Variants in RERE observed in about 807,000 individuals in gnomAD.
RERE encodes arginine-glutamic acid dipeptide repeats.
RERE carries 40 observed loss-of-function variants against 146.1 expected under a neutral mutation model. That is an observed-to-expected ratio of 0.27 (90% CI 0.21 to 0.36). RERE has a LOEUF of 0.36. Ranked by LOEUF, RERE falls within the 10% of genes least tolerant of loss-of-function variation. The pLI, the probability that RERE is intolerant of heterozygous loss-of-function variation, is 1.00. For synonymous variants in RERE, 1,003 were observed against 866.0 expected, an observed-to-expected ratio of 1.16 and a Z score of -2.78; for missense variants, 1,933 against 2,138.7, an observed-to-expected ratio of 0.90 and a Z score of 1.90.
At chr1:8,434,947 CG>C (rs1417002281) in intron 11 of RERE, 3 of 152,178 alleles carry the variant, frequency 2.0e-5, no homozygotes, top group Non-Finnish European at 4.4e-5. Context: ...CAGACCTGCA[CG>C]GTGGAGCCAT....
At position 8,360,312 on chromosome 1, in the gene RERE, C is replaced by G; in HGVS notation, c.3195G>C (p.Ser1065=). 3 of 1,537,056 alleles carry G rather than the reference C, an allele frequency of 2.0e-6. No homozygotes were observed. Among genetic ancestry groups the G allele is most frequent in the Non-Finnish European group, 2.6e-6 (3 of 1,140,652 alleles). Residue 1065 remains serine, a synonymous_variant, in exon 18 of 23, where the codon TCG becomes TCC. Coordinates refer to ENST00000400908, the MANE Select transcript of RERE (RefSeq NM_001042681.2). ...TSTPPAGPGT[S]AQPPCSGAAA... ...CCGCACCAGAGCAGGGTGGCTGGGCCGAGGTGCCAGGTCCCGCCGGTGGGG... is the reference window on the plus strand; with the variant it reads ...CCGCACCAGAGCAGGGTGGCTGGGCGGAGGTGCCAGGTCCCGCCGGTGGGG...
chr1:8,469,310 A>T (rs1030050420), intron 10 of RERE, among the ~76,000 whole-genome samples: 1 of 152,200 alleles, frequency 6.6e-6, no homozygotes, highest in Non-Finnish European at 1.5e-5. Context: ...TCTCACATAC[A>T]GGAAAAAATT....
At chr1:8,398,848 A>G (rs1483831790) in intron 12 of RERE, among the ~76,000 whole-genome samples, 1 of 152,178 alleles carries the variant, frequency 6.6e-6, no homozygotes, top group Non-Finnish European at 1.5e-5. Context: ...TCTCAACAAC[A>G]AACAGGTGCA....
chr1:8,733,175 A>G (rs1020483634), intron 1 of RERE, among the ~76,000 whole-genome samples: 12 of 151,580 alleles, frequency 7.9e-5, no homozygotes, highest in South Asian at 4.2e-4. Context: ...TTTAAAAAAA[A>G]AGAGAGAGAG....
intron 1 of RERE, among the ~76,000 whole-genome samples, chr1:8,706,141 A>G (rs1358321589): frequency 2.8e-5 from 4 of 145,162 alleles, no homozygotes; most frequent in African/African-American, 7.6e-5. Flanking sequence ...AAAAAAAAGA[A>G]TGTCTTCTAT....
chr1:8,519,258 C>T (rs750357133), intron 7 of RERE, among the ~76,000 whole-genome samples: 2 of 151,994 alleles, frequency 1.3e-5, no homozygotes, highest in African/African-American at 2.4e-5. Context: ...ACCAACCAAA[C>T]AACAAAAACA....
intron 4 of RERE, among the ~76,000 whole-genome samples, chr1:8,599,187 T>C (rs780045601): frequency 3.9e-5 from 6 of 152,206 alleles, no homozygotes; most frequent in Non-Finnish European, 7.3e-5. Flanking sequence ...ACCATTTCTT[T>C]TGGTCACTGA....
intron 6 of RERE, among the ~76,000 whole-genome samples, chr1:8,554,345 A>T (rs1004552930): frequency 6.6e-6 from 1 of 152,184 alleles, no homozygotes; most frequent in African/African-American, 2.4e-5. Flanking sequence ...AACCCGTGAG[A>T]CAAGACGGAA....
At position 8,364,329 on chromosome 1, in the gene RERE, C is replaced by T; in HGVS notation, c.1541-74G>A. On this transcript the variant is annotated intron_variant, in intron 14 of 22. Transcript: ENST00000400908. This position sits in a 1 kb window ranked among gnomAD's most constrained non-coding sequence, Gnocchi z 5.1. ...CTGGGGATGTCTGGGCAGAGGGGCC[C>T]TTCTGTGGGCTCTACCCAAACCTGA... 1 of 1,351,934 alleles carries T rather than the reference C, an allele frequency of 7.4e-7. No homozygotes were observed. The highest frequency in any genetic ancestry group is 1.1e-6 in the Non-Finnish European group (1 of 949,124). The allele number at this position is 1,351,934 out of a possible 1,614,324, so 83.7% of individuals were successfully genotyped here. A position where few individuals can be genotyped will look rare whatever the true frequency, so the allele number is the denominator to read the frequency against.
rs935538913 is a variant in RERE, at chr1:8,360,801, G to A, written c.2706C>T (p.Ala902=). 2.5e-6 allele frequency: 4 copies of A among 1,579,616 alleles called. No individual in the cohort carries two copies. The highest frequency in any genetic ancestry group is 1.3e-5 in the African/African-American group (1 of 74,744). Residue 902 remains alanine, a synonymous_variant, in exon 18 of 23, where the codon GCC becomes GCT. Coordinates refer to ENST00000400908, the MANE Select transcript of RERE (RefSeq NM_001042681.2). ...AYPHTSLQLP[A]SQSALQSQQP... is the part of the protein sequence containing the mutation. ...GTTGGGACTGCAGCGCTGACTGAGA[G>A]GCTGGCAGCTGCAGGGAGGTGTGAG... is the stretch of plus-strand genomic sequence containing the variant.
At chr1:8,474,825 T>C (rs930494347) in intron 10 of RERE, among the ~76,000 whole-genome samples, 22 of 152,320 alleles carry the variant, frequency 1.4e-4, no homozygotes, top group African/African-American at 5.3e-4. Context: ...ATAATAACTA[T>C]ATAAAAAGCC....
intron 7 of RERE, among the ~76,000 whole-genome samples, chr1:8,538,116 G>A (rs1005124615): frequency 6.6e-6 from 1 of 152,178 alleles, no homozygotes; most frequent in African/African-American, 2.4e-5. Context: ...CTGCAGTCAT[G>A]GAATCACTAT....
Position 8,497,536 on chromosome 1 carries a change from G to A in RERE, c.880-7C>T. On this transcript the variant is annotated splice_polypyrimidine_tract_variant and splice_region_variant and intron_variant, in intron 8 of 22. Transcript: ENST00000400908. The stretch of plus-strand genomic sequence containing the variant: ...GCAGATCTGGAAGTTTGGCCTGTAA[G>A]ACAGGGATGAGTAAGTCACAATCAA... 6.2e-7 allele frequency: 1 copy of A among 1,614,030 alleles called. No individual in the cohort carries two copies. Among genetic ancestry groups the A allele is most frequent in the Non-Finnish European group, 8.5e-7 (1 of 1,179,926 alleles).
intron 1 of RERE, among the ~76,000 whole-genome samples, chr1:8,768,756 C>T (rs1640892760): frequency 6.6e-6 from 1 of 152,168 alleles, no homozygotes; most frequent in Admixed American, 6.5e-5. Flanking sequence ...AACACCGACG[C>T]TTGTCCCTGA....
At chr1:8,790,398 T>A (rs1641343348) in intron 1 of RERE, among the ~76,000 whole-genome samples, 1 of 152,212 alleles carries the variant, frequency 6.6e-6, no homozygotes, top group Non-Finnish European at 1.5e-5. Flanking sequence ...AAATCTAATC[T>A]ATTTGATAAA....
At chr1:8,512,127 G>A (rs1268806286) in intron 7 of RERE, among the ~76,000 whole-genome samples, 1 of 137,486 alleles carries the variant, frequency 7.3e-6, no homozygotes, top group Admixed American at 8.0e-5. Flanking sequence ...TCCGCTTCCC[G>A]GGTTCACGCC....
At position 8,360,740 on chromosome 1, in the gene RERE, A is replaced by T; in HGVS notation, c.2767T>A (p.Leu923Met). 2 of 1,597,998 alleles carry T rather than the reference A, an allele frequency of 1.3e-6. No individual in the cohort carries two copies. Among genetic ancestry groups the T allele is most frequent in the Middle Eastern group, 1.7e-4 (1 of 5,790 alleles). ...GGGGGCTTGATGTGGGGCATGGCCA[A>T]GGGCGCTGGTGGCAGGGGCTGCTCC... is the stretch of plus-strand genomic sequence containing the variant. ...PREQPLPPAP[L>M]AMPHIKPPPT... The change falls in exon 18 of 23, where the codon TTG (leucine) becomes ATG (methionine). Residue 923 changes from leucine to methionine, a missense_variant. Leu to Met is a conservative substitution (Grantham distance 15). Transcript: ENST00000400908.
At chr1:8,610,983 A>G (rs989076899) in intron 4 of RERE, among the ~76,000 whole-genome samples, 5 of 151,888 alleles carry the variant, frequency 3.3e-5, no homozygotes, top group African/African-American at 9.7e-5. Context: ...TCATGAGGTC[A>G]GGCAGTCAAG....
intron 1 of RERE, among the ~76,000 whole-genome samples, chr1:8,808,778 C>T (rs1347166102): frequency 6.6e-6 from 1 of 152,144 alleles, no homozygotes; most frequent in Non-Finnish European, 1.5e-5. Flanking sequence ...AAAGACAACA[C>T]AGATCTGCAT....
Sources: gnomAD v4.1 joint callset for allele counts (sites outside exome capture counted in the v4.1 genomes callset) on GRCh38, gnomAD v4.1.1 for gene constraint, Gnocchi (gnomAD v3.1) non-coding constraint, MANE v1.5 for transcripts, NCBI Gene and HGNC (gene_info 2026-07-23, HGNC 2026-07-21) for gene names.